Variants in EFCAB11 observed in about 807,000 individuals in gnomAD.
The protein encoded by EFCAB11 is EF-hand calcium binding domain 11.
Under a neutral mutation model 23.0 loss-of-function variants are expected in EFCAB11, and 14 were observed. The ratio of observed to expected loss-of-function variants is 0.61; its 90% CI spans 0.40 to 0.95. EFCAB11 has a LOEUF of 0.95. Ranked by LOEUF, EFCAB11 falls within the 40% of genes least tolerant of loss-of-function variation. The pLI, the probability that EFCAB11 is intolerant of heterozygous loss-of-function variation, is 0.00. For missense variants in EFCAB11, 198 were observed against 195.8 expected, an observed-to-expected ratio of 1.01 and a Z score of -0.07; for synonymous variants, 65 against 66.6, an observed-to-expected ratio of 0.98 and a Z score of 0.11.
At chr14:89,946,066 G>C (rs185603022) in intron 3 of EFCAB11, among the ~76,000 whole-genome samples, 12 of 151,862 alleles carry the variant, frequency 7.9e-5, no homozygotes, top group Non-Finnish European at 1.8e-4. Context: ...TTACAGGCAT[G>C]CACCACCATG....
chr14:89,826,593 T>C (rs1886699161), intron 5 of EFCAB11, among the ~76,000 whole-genome samples: 1 of 151,952 alleles, frequency 6.6e-6, no homozygotes, highest in Admixed American at 6.6e-5. Flanking sequence ...AAACTTCAGT[T>C]GAGAAAATAT....
At chr14:89,801,948 C>T (rs1222922896) in intron 5 of EFCAB11, among the ~76,000 whole-genome samples, 1 of 151,056 alleles carries the variant, frequency 6.6e-6, no homozygotes, top group Admixed American at 6.6e-5. Context: ...GAGCTGAGAT[C>T]GCACTACTGC....
At chr14:89,926,534 CAG>C (rs1257155389) in intron 5 of EFCAB11, among the ~76,000 whole-genome samples, 1 of 151,884 alleles carries the variant, frequency 6.6e-6, no homozygotes, top group Non-Finnish European at 1.5e-5. Context: ...AAAACCAAAA[CAG>C]AAAAAGAAAA....
At chr14:89,912,145 T>C (rs1317394620) in intron 5 of EFCAB11, among the ~76,000 whole-genome samples, 1 of 152,224 alleles carries the variant, frequency 6.6e-6, no homozygotes, top group Non-Finnish European at 1.5e-5. Flanking sequence ...TCATTGTTGG[T>C]ATGCTATAGA....
chr14:89,858,082 C>T (rs1296592941), intron 5 of EFCAB11, among the ~76,000 whole-genome samples: 3 of 152,180 alleles, frequency 2.0e-5, no homozygotes, highest in Non-Finnish European at 2.9e-5. Context: ...TTTGATGTTC[C>T]TCCCTTCAAG....
chr14:89,857,503 T>TG (rs1359076308), intron 5 of EFCAB11, among the ~76,000 whole-genome samples: 2 of 75,556 alleles, frequency 2.6e-5, no homozygotes, highest in Non-Finnish European at 7.2e-5. Flanking sequence ...GTTACTGACC[T>TG]GGTCTTTCTT....
intron 5 of EFCAB11, among the ~76,000 whole-genome samples, chr14:89,802,759 GA>G (rs1272312253): frequency 6.6e-6 from 1 of 152,186 alleles, no homozygotes; most frequent in African/African-American, 2.4e-5. Context: ...ATGCTACGCA[GA>G]AACTTGTCTT....
chr14:89,890,108 T>G (rs1390715126), intron 5 of EFCAB11, among the ~76,000 whole-genome samples: 1 of 152,212 alleles, frequency 6.6e-6, no homozygotes, highest in Middle Eastern at 3.2e-3. Flanking sequence ...TTATAAATAT[T>G]GAGTTCAAGT....
At position 89,849,411 on chromosome 14, in the gene EFCAB11, C is replaced by T. The variant is rs61474555; in HGVS notation, c.411-52087G>A. On this transcript the variant is annotated intron_variant, in intron 5 of 5. Coordinates refer to ENST00000316738, the MANE Select transcript of EFCAB11 (RefSeq NM_145231.4). ...TGGCAGATTATGTAAATGAACTGTG[C>T]TGGTTTTCAAAACGTAGATGGTGTA... 3.5e-3 allele frequency among the ~76,000 whole-genome samples: 528 copies of T among 152,290 alleles called. 4 individuals carry two copies. Among genetic ancestry groups the T allele is most frequent in the African/African-American group, 0.012 (490 of 41,556 alleles).
At chr14:89,934,445 A>G (rs80307264) in intron 3 of EFCAB11, among the ~76,000 whole-genome samples, 22,810 of 152,054 alleles carry the variant, frequency 0.15, 3,797 homozygotes, top group African/African-American at 0.41. Flanking sequence ...GAGAGGAGAA[A>G]GTCTGGGGGA....
chr14:89,835,361 G>A (rs1189561236), intron 5 of EFCAB11, among the ~76,000 whole-genome samples: 2 of 152,100 alleles, frequency 1.3e-5, no homozygotes, highest in Admixed American at 6.6e-5. Context: ...TCTTGGGATG[G>A]CACTCAAATG....
intron 5 of EFCAB11, among the ~76,000 whole-genome samples, chr14:89,872,029 TA>T (rs1888287923): frequency 6.6e-6 from 1 of 152,192 alleles, no homozygotes; most frequent in African/African-American, 2.4e-5. Context: ...AACTAATGAC[TA>T]AGTAACTGAT....
chr14:89,937,899 G>T (rs2139821592), intron 3 of EFCAB11: 1 of 151,822 alleles, frequency 6.6e-6, no homozygotes, highest in Admixed American at 6.6e-5. Context: ...TATATAGAGA[G>T]AGAGAGACTA....
At chr14:89,815,422 T>C (rs1886302661) in intron 5 of EFCAB11, among the ~76,000 whole-genome samples, 1 of 152,044 alleles carries the variant, frequency 6.6e-6, no homozygotes, top group African/African-American at 2.4e-5. Flanking sequence ...GGAATTTCAT[T>C]ATGAAATCCT....
rs910766507 is a variant in EFCAB11, at chr14:89,794,700, T to A, written c.*2543A>T. ...TTTGAAATAAGATTTTATTTTTACT[T>A]GATTTTCAATGTTTTCTTCATTTTA... On this transcript the variant is annotated 3_prime_UTR_variant, in exon 6 of 6. Transcript: ENST00000316738. 6.6e-6 allele frequency: 1 copy of A among 152,210 alleles called. No homozygotes were observed. Among genetic ancestry groups the A allele is most frequent in the Non-Finnish European group, 1.5e-5 (1 of 68,032 alleles). 9.4% of individuals were successfully genotyped at this position (152,210 alleles called of 1,614,324 possible). A position where few individuals can be genotyped will look rare whatever the true frequency, so the allele number is the denominator to read the frequency against.
chr14:89,941,341 T>G (rs1042315641), intron 3 of EFCAB11, among the ~76,000 whole-genome samples: 1 of 152,166 alleles, frequency 6.6e-6, no homozygotes, highest in Non-Finnish European at 1.5e-5. Context: ...TGACTTCAAC[T>G]CATTGATTCA....
intron 5 of EFCAB11, among the ~76,000 whole-genome samples, chr14:89,865,252 A>G (rs1320577525): frequency 1.3e-5 from 2 of 152,226 alleles, no homozygotes. Flanking sequence ...GTGAGAGTCA[A>G]CGAATTCCTT....
At chr14:89,829,208 GA>G (rs771608080) in intron 5 of EFCAB11, among the ~76,000 whole-genome samples, 3 of 152,146 alleles carry the variant, frequency 2.0e-5, no homozygotes, top group Non-Finnish European at 4.4e-5. Flanking sequence ...AAATATTCTG[GA>G]GGAGTTATCC....
chr14:89,817,522 A>C (rs898402641), intron 5 of EFCAB11, among the ~76,000 whole-genome samples: 1 of 151,750 alleles, frequency 6.6e-6, no homozygotes. Flanking sequence ...ACTCCTTCTT[A>C]AAAAAAAATT....
Sources: allele counts gnomAD v4.1 joint callset (sites outside exome capture counted in the v4.1 genomes callset), GRCh38; gene constraint gnomAD v4.1.1; transcripts MANE v1.5; gene names NCBI Gene and HGNC (gene_info 2026-07-23, HGNC 2026-07-21).